The following EYA2 variants were observed in gnomAD, a reference collection of about 807,000 sequenced individuals.
EYA2 encodes the protein protein phosphatase EYA2.
Under a neutral mutation model 69.2 loss-of-function variants are expected in EYA2, and 31 were observed. The ratio of observed to expected loss-of-function variants is 0.45; its 90% CI spans 0.34 to 0.60. The LOEUF (loss-of-function observed/expected upper bound fraction) is 0.60. EYA2 is among the 20% of genes least tolerant of loss of function. The pLI is 0.02. For synonymous variants in EYA2, 257 were observed against 279.4 expected (o/e 0.92, Z 0.80); for missense variants, 622 against 701.2 (o/e 0.89, Z 1.28).
rs372534731 is a variant in EYA2 at position 47,160,645 on chromosome 20, T to C, written c.979-8494T>C. On this transcript the variant is annotated intron_variant, in intron 10 of 15. Transcript: ENST00000327619. Reference sequence around the variant, plus strand: ...AAGACACATGCAGTGCCTAGGCCAGTGTTGGGAACATAGAAGGTGATCAGT... The same window carrying C: ...AAGACACATGCAGTGCCTAGGCCAGCGTTGGGAACATAGAAGGTGATCAGT... 1.9e-3 allele frequency among the ~76,000 whole-genome samples: 297 copies of C among 152,320 alleles called. 1 individual carries two copies. The highest frequency in any genetic ancestry group is 6.9e-3 in the African/African-American group (288 of 41,572).
intron 1 of EYA2, among the ~76,000 whole-genome samples, chr20:46,987,916 G>GACACTC (rs56288405): frequency 2.5e-4 from 5 of 20,376 alleles, no homozygotes; most frequent in South Asian, 2.7e-3. Context: ...GACAGAGTAA[G>GACACTC]TCTCTCTCTC....
intron 1 of EYA2, among the ~76,000 whole-genome samples, chr20:46,976,976 G>C (rs993060924): frequency 2.0e-5 from 3 of 152,188 alleles, no homozygotes; most frequent in Non-Finnish European, 4.4e-5. Flanking sequence ...CTGTGGAATA[G>C]ACATACCTGC....
chr20:47,079,215 A>G (rs937556097), intron 7 of EYA2, among the ~76,000 whole-genome samples: 1 of 152,190 alleles, frequency 6.6e-6, no homozygotes, highest in African/African-American at 2.4e-5. Context: ...ATGTTTGGAG[A>G]CTGTATCAGT....
At chr20:47,181,040 A>G in intron 14 of EYA2, 104 bp downstream of exon 14, 1 of 1,471,868 alleles carries the variant, frequency 6.8e-7, no homozygotes, top group Non-Finnish European at 9.2e-7. Flanking sequence ...ACAGAAATGG[A>G]TGGAGTGTGC....
intron 6 of EYA2, among the ~76,000 whole-genome samples, chr20:47,073,638 G>A (rs913711729): frequency 2.0e-5 from 3 of 152,096 alleles, no homozygotes; most frequent in Non-Finnish European, 4.4e-5. Context: ...TCAGGGCCAC[G>A]TCTATATCCC....
At position 47,127,224 on chromosome 20, in the gene EYA2, A is replaced by G. The variant is rs139568761; in HGVS notation, c.889-15835A>G. Among the ~76,000 whole-genome samples the G allele has an allele frequency of 1.5e-4, 23 of 152,346 alleles. No homozygotes were observed. The East Asian group carries it at 4.2e-3, about 28-fold the overall frequency. ...TTCTCAACTGAACAGTTAGTTACGG[A>G]TGAAATTGTTAGTACAAGAATATTT... On this transcript the variant is annotated intron_variant, in intron 9 of 15. Transcript: ENST00000327619.
At chr20:47,161,307 AC>A in intron 10 of EYA2, 1 of 526,266 alleles carries the variant, frequency 1.9e-6, no homozygotes, top group South Asian at 1.7e-5. Flanking sequence ...AGCACTTAAC[AC>A]CCAGATCGAC....
intron 1 of EYA2, among the ~76,000 whole-genome samples, chr20:46,929,296 A>T (rs1290934753): frequency 1.3e-5 from 2 of 152,142 alleles, no homozygotes; most frequent in Non-Finnish European, 2.9e-5. Flanking sequence ...AGGAACTGGG[A>T]ACTGTTTATA....
chr20:47,097,268 T>C, intron 9 of EYA2, 100 bp downstream of exon 9: 2 of 898,574 alleles, frequency 2.2e-6, no homozygotes, highest in South Asian at 3.3e-5. Context: ...TGAGGCAGCT[T>C]CTCCAACAAA....
At chr20:47,062,636 C>A (rs763954167) in intron 5 of EYA2, among the ~76,000 whole-genome samples, 23 of 152,156 alleles carry the variant, frequency 1.5e-4, no homozygotes, top group Non-Finnish European at 3.2e-4. Flanking sequence ...GCAGCTCTGG[C>A]ACATGAGCTG....
At chr20:46,946,398 G>T (rs1455906766) in intron 1 of EYA2, among the ~76,000 whole-genome samples, 1 of 152,202 alleles carries the variant, frequency 6.6e-6, no homozygotes, top group African/African-American at 2.4e-5. Context: ...CCAGGGTGCA[G>T]GGCCAAGGGT....
intron 1 of EYA2, among the ~76,000 whole-genome samples, chr20:46,945,724 C>T (rs1978415633): frequency 1.3e-5 from 2 of 152,216 alleles, no homozygotes. Flanking sequence ...GGGCGTGTTA[C>T]AGGAAGGGAA....
chr20:47,040,631 A>G (rs1985005587), intron 5 of EYA2, among the ~76,000 whole-genome samples: 1 of 152,206 alleles, frequency 6.6e-6, no homozygotes, highest in African/African-American at 2.4e-5. Context: ...AACTGTTCTA[A>G]TCACATCACA....
At chr20:46,940,514 C>T (rs11700355) in intron 1 of EYA2, among the ~76,000 whole-genome samples, 19,361 of 152,172 alleles carry the variant, frequency 0.13, 1,509 homozygotes, top group East Asian at 0.4. Context: ...GTGATAACAA[C>T]GACGGCAGTT....
At chr20:47,172,671 T>G in intron 11 of EYA2, 36 bp from the exon 12 acceptor site, 1 of 1,565,396 alleles carries the variant, frequency 6.4e-7, no homozygotes, top group Non-Finnish European at 8.7e-7. Flanking sequence ...TGCACCCCCC[T>G]GCACTAACAC....
rs145730157 is a variant in EYA2, at chr20:47,144,937, G to A, written c.978+1789G>A. ...AGTGAGTATTTATGGAGCCTAATGC[G>A]GTAAAGACTCAGCCGATTGCAAAGA... On this transcript the variant is annotated intron_variant, in intron 10 of 15. Transcript: ENST00000327619. 5.3e-4 allele frequency among the ~76,000 whole-genome samples: 80 copies of A among 152,258 alleles called. No individual in the cohort carries two copies. In the South Asian group the frequency reaches 6.8e-3, roughly 13 times the overall value.
intron 1 of EYA2, among the ~76,000 whole-genome samples, chr20:46,914,110 C>T (rs1268131151): frequency 3.3e-5 from 5 of 151,734 alleles, no homozygotes; most frequent in African/African-American, 7.3e-5. Context: ...ACCTAGGAGC[C>T]GAGACCTCTC....
intron 5 of EYA2, among the ~76,000 whole-genome samples, chr20:47,060,754 C>T (rs2030842220): frequency 6.6e-6 from 1 of 152,190 alleles, no homozygotes; most frequent in Admixed American, 6.5e-5. Flanking sequence ...GTGTTGCTTG[C>T]TACACCTGTA....
At chr20:47,074,839 C>T (rs1478731240) in intron 7 of EYA2, among the ~76,000 whole-genome samples, 6 of 152,162 alleles carry the variant, frequency 3.9e-5, no homozygotes, top group East Asian at 3.9e-4. Context: ...CAGCTGGGCA[C>T]GGTGGCTCAC....
Sources: gnomAD v4.1 joint callset for allele counts (sites outside exome capture counted in the v4.1 genomes callset) on GRCh38, gnomAD v4.1.1 for gene constraint, MANE v1.5 for transcripts, NCBI Gene and HGNC (gene_info 2026-07-23, HGNC 2026-07-21) for gene names.